NAA11: variants seen among roughly 807,000 people sequenced by gnomAD.
NAA11 encodes N-alpha-acetyltransferase 11, NatA catalytic subunit.
Under a neutral mutation model 16.1 loss-of-function variants are expected in NAA11, and 15 were observed. The observed-to-expected ratio is 0.93, with a 90% CI of 0.62 to 1.44. The LOEUF is 1.44. Ranked by LOEUF, NAA11 falls within the 40% of genes most tolerant of loss-of-function variation. The pLI, the probability that NAA11 is intolerant of heterozygous loss-of-function variation, is 0.00. For missense variants in NAA11, 298 were observed against 291.3 expected (o/e 1.02, Z -0.17); for synonymous variants, 122 against 112.4 (o/e 1.09, Z -0.54).
intron 2 of NAA11, among the ~76,000 whole-genome samples, chr4:79,256,056 G>A (rs2109970827): frequency 6.6e-6 from 1 of 152,228 alleles, no homozygotes; most frequent in South Asian, 2.1e-4. Flanking sequence ...CCTCAAGTTG[G>A]TCTGGTGTCT....
chr4:79,226,200 C>T (rs1486884772), exon 3 of NAA11: 1 of 151,988 alleles, frequency 6.6e-6, no homozygotes, highest in African/African-American at 2.4e-5. Context: ...CATTCATGGA[C>T]CCAGGTTCTC....
At chr4:79,225,292 G>C (rs1455047810), downstream of NAA11, among the ~76,000 whole-genome samples, 1 of 151,914 alleles carries the variant, frequency 6.6e-6, no homozygotes. Context: ...GTGGTTGGGG[G>C]CTGGACCTTG....
chr4:79,207,533 C>A, the NAA11 span, among the ~76,000 whole-genome samples: 7 of 152,082 alleles, frequency 4.6e-5, no homozygotes, highest in African/African-American at 1.7e-4. Context: ...AGAGGCTTCA[C>A]AAGAAACCAA....
At chr4:79,188,326 C>A in the NAA11 span, among the ~76,000 whole-genome samples, 1 of 152,148 alleles carries the variant, frequency 6.6e-6, no homozygotes, top group East Asian at 1.9e-4. Flanking sequence ...TGGCTCACGC[C>A]TGTAATCCCA....
intron 1 of NAA11, among the ~76,000 whole-genome samples, chr4:79,306,338 C>T (rs943076354): frequency 6.6e-6 from 1 of 152,102 alleles, no homozygotes; most frequent in African/African-American, 2.4e-5. Context: ...AGGTGTTGGC[C>T]GAGTTGATTT....
At chr4:79,156,685 A>G in the NAA11 span, among the ~76,000 whole-genome samples, 1 of 152,204 alleles carries the variant, frequency 6.6e-6, no homozygotes, top group Non-Finnish European at 1.5e-5. Context: ...GTTTGACCAC[A>G]TATCTGGGCA....
At chr4:79,318,352 T>G (rs913846811) in intron 1 of NAA11, among the ~76,000 whole-genome samples, 2 of 152,174 alleles carry the variant, frequency 1.3e-5, no homozygotes, top group African/African-American at 4.8e-5. Context: ...TTACATCAGG[T>G]AAGAGGAAGT....
At chr4:79,207,512 A>G in the NAA11 span, among the ~76,000 whole-genome samples, 3 of 152,214 alleles carry the variant, frequency 2.0e-5, no homozygotes, top group South Asian at 6.2e-4. Context: ...CAACATCTTC[A>G]GGCCAGGAAG....
the NAA11 span, among the ~76,000 whole-genome samples, chr4:79,192,583 T>C: frequency 6.6e-6 from 1 of 152,026 alleles, no homozygotes; most frequent in Non-Finnish European, 1.5e-5. Flanking sequence ...CTGCATAGTA[T>C]TCCATGGTGT....
chr4:79,234,848 T>G (rs1721537117), intron 2 of NAA11, among the ~76,000 whole-genome samples: 1 of 152,172 alleles, frequency 6.6e-6, no homozygotes, highest in Non-Finnish European at 1.5e-5. Context: ...ACTACTAAGG[T>G]ACTCAGTATT....
At chr4:79,172,214 C>G in the NAA11 span, among the ~76,000 whole-genome samples, 4 of 152,018 alleles carry the variant, frequency 2.6e-5, no homozygotes, top group African/African-American at 9.7e-5. Flanking sequence ...GACTACTCTA[C>G]AGAATATAAA....
chr4:79,167,270 TAGAG>T, the NAA11 span, among the ~76,000 whole-genome samples: 136 of 98,470 alleles, frequency 1.4e-3, no homozygotes, highest in African/African-American at 2.6e-3. Flanking sequence ...TATATATATA[TAGAG>T]AGAGAGAGAG....
chr4:79,164,994 A>G, the NAA11 span, among the ~76,000 whole-genome samples: 5 of 152,244 alleles, frequency 3.3e-5, no homozygotes, highest in African/African-American at 4.8e-5. Flanking sequence ...GGCACACCAC[A>G]CGGAGGGAAC....
At chr4:79,285,612 A>G (rs1722888562) in intron 2 of NAA11, among the ~76,000 whole-genome samples, 1 of 152,084 alleles carries the variant, frequency 6.6e-6, no homozygotes. Context: ...ATGTTTTATC[A>G]TAATGGCATA....
chr4:79,227,892 T>C (rs1721358584), intron 2 of NAA11: 1 of 152,070 alleles, frequency 6.6e-6, no homozygotes, highest in African/African-American at 2.4e-5. Context: ...CATTGAGTTA[T>C]GAAAATATGT....
intron 2 of NAA11, among the ~76,000 whole-genome samples, chr4:79,284,356 T>C (rs1219652949): frequency 6.6e-6 from 1 of 152,064 alleles, no homozygotes; most frequent in Non-Finnish European, 1.5e-5. Context: ...ATCAACAAAA[T>C]GCTTTTCTAT....
chr4:79,244,895 C>T (rs960959151), intron 2 of NAA11: 18 of 162,220 alleles, frequency 1.1e-4, no homozygotes, highest in Admixed American at 7.1e-4. Flanking sequence ...CCCGAGGTGC[C>T]GGGATTGCAG....
chr4:79,277,085 G>A (rs151221710), intron 2 of NAA11, among the ~76,000 whole-genome samples: 77 of 152,236 alleles, frequency 5.1e-4, no homozygotes, highest in African/African-American at 1.8e-3. Flanking sequence ...ACTCAATGTT[G>A]CACCTTCATC....
chr4:79,297,716 G>T (rs1182884198), intron 1 of NAA11, among the ~76,000 whole-genome samples: 2 of 152,224 alleles, frequency 1.3e-5, no homozygotes, highest in Non-Finnish European at 2.9e-5. Flanking sequence ...GGTGGGGGGA[G>T]TTGAAGGGGG....
Sources: gnomAD v4.1 joint callset for allele counts (sites outside exome capture counted in the v4.1 genomes callset) on GRCh38, gnomAD v4.1.1 for gene constraint, MANE v1.5 for transcripts, NCBI Gene and HGNC (gene_info 2026-07-23, HGNC 2026-07-21) for gene names.